Variants in MOCOS observed in about 807,000 individuals in gnomAD.
MOCOS encodes the protein molybdenum cofactor sulfurase.
A neutral mutation model predicts 83.6 loss-of-function variants in MOCOS; 86 were observed. That is an observed-to-expected ratio of 1.03 (90% CI 0.86 to 1.23). The LOEUF (loss-of-function observed/expected upper bound fraction) is 1.23, where lower values mean the gene tolerates loss of function less well. MOCOS is among the 50% of genes most tolerant of loss of function. The pLI, the probability that MOCOS is intolerant of heterozygous loss-of-function variation, is 0.00. For synonymous variants in MOCOS, 445 were observed against 434.7 expected, an observed-to-expected ratio of 1.02 and a Z score of -0.29; for missense variants, 1,120 against 1,126.9, an observed-to-expected ratio of 0.99 and a Z score of 0.09.
At chr18:36,245,239 G>A (rs1156267590) in intron 9 of MOCOS, among the ~76,000 whole-genome samples, 1 of 152,020 alleles carries the variant, frequency 6.6e-6, no homozygotes, top group East Asian at 1.9e-4. Context: ...TATGCTTTAA[G>A]GAAGTTCTAT....
At position 36,247,202 on chromosome 18, in the gene MOCOS, T is replaced by C. The variant is rs1445657775; in HGVS notation, c.1961-1720T>C. ...CCAGCAAGGCCAGTCTCACTCCCAC[T>C]GTGCCTCCCCAGCAGCACTGAGGTT... On this transcript the variant is annotated intron_variant, in intron 9 of 14. Transcript: ENST00000261326. 2.0e-5 allele frequency among the ~76,000 whole-genome samples: 3 copies of C among 152,276 alleles called. No homozygotes were observed. In the East Asian group the frequency reaches 5.8e-4, roughly 29 times the overall value.
intron 13 of MOCOS, among the ~76,000 whole-genome samples, chr18:36,262,294 C>T (rs1393025250): frequency 2.7e-5 from 4 of 145,640 alleles, no homozygotes; most frequent in South Asian, 2.1e-4. Context: ...TAGCCAGGCA[C>T]GGTGATGTGC....
intron 5 of MOCOS, 99 bp downstream of exon 5, chr18:36,203,288 G>A (rs2091421690): frequency 2.7e-6 from 3 of 1,104,224 alleles, no homozygotes; most frequent in African/African-American, 1.5e-5. Context: ...AGAGTCTGTG[G>A]AAGTGACTGG....
At chr18:36,225,759 G>A (rs1287819250) in intron 9 of MOCOS, among the ~76,000 whole-genome samples, 1 of 151,678 alleles carries the variant, frequency 6.6e-6, no homozygotes, top group South Asian at 2.1e-4. Flanking sequence ...TTTGTCTTTG[G>A]TATTTTATAA....
chr18:36,250,922 G>C (rs1047032034), intron 10 of MOCOS, among the ~76,000 whole-genome samples: 1 of 152,150 alleles, frequency 6.6e-6, no homozygotes, highest in Admixed American at 6.5e-5. Flanking sequence ...TAGTAAAAAG[G>C]TCTTTCCAGG....
intron 9 of MOCOS, among the ~76,000 whole-genome samples, chr18:36,247,589 T>A (rs1045564424): frequency 2.6e-5 from 4 of 152,202 alleles, no homozygotes; most frequent in African/African-American, 9.6e-5. Flanking sequence ...TTCCTGCTGC[T>A]GCTTCTACTT....
intron 7 of MOCOS, 104 bp downstream of exon 7, chr18:36,213,586 T>G: frequency 1.1e-6 from 1 of 908,820 alleles, no homozygotes; most frequent in Non-Finnish European, 1.8e-6. Flanking sequence ...TACTCATTTC[T>G]CCACGCCTAC....
rs1371014926 is a variant in MOCOS, at chr18:36,271,500, T to C, written c.*2815T>C. The C allele has an allele frequency of 2.0e-5, 3 of 152,184 alleles. No homozygotes were observed. Among genetic ancestry groups the C allele is most frequent in the African/African-American group, 4.8e-5 (2 of 41,464 alleles). 9.4% of individuals were successfully genotyped at this position (152,184 alleles called of 1,614,324 possible). A position where few individuals can be genotyped will look rare whatever the true frequency, so the allele number is the denominator to read the frequency against. On this transcript the variant is annotated 3_prime_UTR_variant, in exon 15 of 15. Coordinates refer to ENST00000261326, the MANE Select transcript of MOCOS (RefSeq NM_017947.4). ...CATATTCAGAGTTTATGGACATTTA[T>C]GATTTTATGTCCCCTCCTTGGTTCT... is the stretch of plus-strand genomic sequence containing the variant.
At chr18:36,254,374 G>A (rs1248329487) in intron 11 of MOCOS, among the ~76,000 whole-genome samples, 1 of 151,766 alleles carries the variant, frequency 6.6e-6, no homozygotes. Flanking sequence ...TTTCAACAAA[G>A]CCAGTAGAAT....
At chr18:36,200,852 T>G (rs916302338) in intron 4 of MOCOS, among the ~76,000 whole-genome samples, 7 of 152,186 alleles carry the variant, frequency 4.6e-5, no homozygotes, top group African/African-American at 1.7e-4. Context: ...TGTGAGGCAG[T>G]GTTAGCGGCA....
intron 4 of MOCOS, among the ~76,000 whole-genome samples, chr18:36,202,154 T>G (rs1182558779): frequency 3.3e-5 from 5 of 152,214 alleles, no homozygotes; most frequent in Non-Finnish European, 4.4e-5. Flanking sequence ...ACTCAATAGA[T>G]TTAATACTCA....
At chr18:36,206,539 C>G (rs1407205057) in intron 6 of MOCOS, among the ~76,000 whole-genome samples, 1 of 152,070 alleles carries the variant, frequency 6.6e-6, no homozygotes, top group Non-Finnish European at 1.5e-5. Flanking sequence ...AGCCACTGTG[C>G]CCGGCGTTCT....
intron 7 of MOCOS, among the ~76,000 whole-genome samples, chr18:36,214,067 C>G (rs1465970415): frequency 6.6e-6 from 1 of 151,538 alleles, no homozygotes; most frequent in Non-Finnish European, 1.5e-5. Context: ...CATGGAGAAA[C>G]CCTCTCTCTA....
chr18:36,230,068 T>C (rs2091532220), intron 9 of MOCOS, among the ~76,000 whole-genome samples: 1 of 152,152 alleles, frequency 6.6e-6, no homozygotes, highest in Non-Finnish European at 1.5e-5. Flanking sequence ...GTGTCTGTGT[T>C]GGTGTCTGTG....
At chr18:36,203,409 T>C (rs1405776705) in intron 5 of MOCOS, among the ~76,000 whole-genome samples, 1 of 152,194 alleles carries the variant, frequency 6.6e-6, no homozygotes, top group Non-Finnish European at 1.5e-5. Flanking sequence ...AAAATAACAT[T>C]TTAACAGGTA....
intron 9 of MOCOS, among the ~76,000 whole-genome samples, chr18:36,227,064 A>T (rs376111429): frequency 2.0e-4 from 30 of 151,362 alleles, no homozygotes; most frequent in African/African-American, 7.3e-4. Flanking sequence ...ACATGCCACC[A>T]TGCCTGGCTA....
At chr18:36,235,816 T>C (rs1221780862) in intron 9 of MOCOS, among the ~76,000 whole-genome samples, 1 of 146,032 alleles carries the variant, frequency 6.8e-6, no homozygotes, top group Non-Finnish European at 1.5e-5. Context: ...TTTTAATGAT[T>C]GCCATTCTAA....
intron 9 of MOCOS, 92 bp from the exon 10 acceptor site, chr18:36,248,830 T>A: frequency 9.8e-7 from 1 of 1,023,066 alleles, no homozygotes; most frequent in Non-Finnish European, 1.5e-6. Flanking sequence ...TACCATGCTG[T>A]TTTGGTTACT....
chr18:36,239,999 C>T (rs1236636018), intron 9 of MOCOS, among the ~76,000 whole-genome samples: 3 of 139,726 alleles, frequency 2.1e-5, no homozygotes, highest in Admixed American at 1.5e-4. Flanking sequence ...CTCCTTTAAG[C>T]ACTTCTCTGT....
Sources: allele counts gnomAD v4.1 joint callset (sites outside exome capture counted in the v4.1 genomes callset), GRCh38; gene constraint gnomAD v4.1.1; transcripts MANE v1.5; gene names NCBI Gene and HGNC (gene_info 2026-07-23, HGNC 2026-07-21).